Variants in EEFSEC observed in about 807,000 individuals in gnomAD.
EEFSEC encodes selenocysteine-specific elongation factor.
In EEFSEC, 43 loss-of-function variants were observed where a neutral mutation model predicts 42.1. The observed-to-expected ratio is 1.02, with a 90% CI of 0.80 to 1.32. The LOEUF is 1.32. EEFSEC is among the 40% of genes most tolerant of loss of function. EEFSEC has a pLI of 0.00. For missense variants in EEFSEC, 745 were observed against 803.6 expected (o/e 0.93, Z 0.88); for synonymous variants, 354 against 339.1 (o/e 1.04, Z -0.48).
chr3:128,227,573 T>G (rs912772951), intron 1 of EEFSEC, among the ~76,000 whole-genome samples: 2 of 152,196 alleles, frequency 1.3e-5, no homozygotes, highest in African/African-American at 4.8e-5. Context: ...TACAAGGGTC[T>G]AAGACAACTG....
intron 1 of EEFSEC, among the ~76,000 whole-genome samples, chr3:128,242,735 T>G (rs2066085170): frequency 6.6e-6 from 1 of 152,244 alleles, no homozygotes; most frequent in South Asian, 2.1e-4. Context: ...TTAAATGTAC[T>G]GAGAAACTTT....
chr3:128,418,419 C>G, the EEFSEC span, among the ~76,000 whole-genome samples: 1 of 152,034 alleles, frequency 6.6e-6, no homozygotes, highest in Non-Finnish European at 1.5e-5. Flanking sequence ...CTGCCCCCAC[C>G]ACCCCATGCC....
At chr3:128,371,315 AGG>A (rs1481300094) in intron 6 of EEFSEC, among the ~76,000 whole-genome samples, 7 of 152,056 alleles carry the variant, frequency 4.6e-5, no homozygotes, top group Non-Finnish European at 1.0e-4. Flanking sequence ...TTGTCTAGAC[AGG>A]GTTCCCATCG....
intron 6 of EEFSEC, among the ~76,000 whole-genome samples, chr3:128,376,512 A>C (rs2067712219): frequency 6.6e-6 from 1 of 152,094 alleles, no homozygotes; most frequent in Non-Finnish European, 1.5e-5. Context: ...TGAGTCTCCC[A>C]GTGTCTCCAG....
At chr3:128,211,977 AGCCTCCT>A (rs1451032016) in intron 1 of EEFSEC, among the ~76,000 whole-genome samples, 1 of 141,728 alleles carries the variant, frequency 7.1e-6, no homozygotes, top group Non-Finnish European at 1.5e-5. Context: ...CTCCTGCCTC[AGCCTCCT>A]CAGTGGCTGG....
At chr3:128,301,601 C>T (rs1393096200) in intron 4 of EEFSEC, among the ~76,000 whole-genome samples, 1 of 152,168 alleles carries the variant, frequency 6.6e-6, no homozygotes, top group African/African-American at 2.4e-5. Flanking sequence ...CTCAGAGACT[C>T]AGAACTGTTC....
intron 1 of EEFSEC, among the ~76,000 whole-genome samples, chr3:128,169,030 C>T (rs1334184891): frequency 5.3e-5 from 8 of 152,170 alleles, no homozygotes; most frequent in African/African-American, 1.9e-4. Flanking sequence ...GTGGCTTCTG[C>T]TTTCATGTAG....
At chr3:128,286,382 A>G (rs967688345) in intron 4 of EEFSEC, among the ~76,000 whole-genome samples, 3 of 152,232 alleles carry the variant, frequency 2.0e-5, no homozygotes, top group African/African-American at 7.2e-5. Context: ...AGAAAGGAGT[A>G]TCTATGTAAT....
chr3:128,324,500 A>C (rs1482987366), intron 4 of EEFSEC, among the ~76,000 whole-genome samples: 4 of 152,178 alleles, frequency 2.6e-5, no homozygotes, highest in Admixed American at 2.6e-4. Context: ...TACAGATTTC[A>C]GGTGGTTCAA....
chr3:128,379,909 A>G (rs1328122592), intron 6 of EEFSEC, among the ~76,000 whole-genome samples: 1 of 152,254 alleles, frequency 6.6e-6, no homozygotes, highest in Non-Finnish European at 1.5e-5. Flanking sequence ...AGAATGAGTC[A>G]TGTGGCCAGC....
intron 1 of EEFSEC, among the ~76,000 whole-genome samples, chr3:128,230,527 G>A (rs928658922): frequency 7.2e-5 from 11 of 152,140 alleles, no homozygotes; most frequent in African/African-American, 1.2e-4. Context: ...GTGAATGATA[G>A]CATTTGTTAG....
chr3:128,155,731 A>G (rs1217585553), intron 1 of EEFSEC, among the ~76,000 whole-genome samples: 1 of 152,204 alleles, frequency 6.6e-6, no homozygotes, highest in Non-Finnish European at 1.5e-5. Flanking sequence ...TCTGGGTCCC[A>G]GCTATAATGG....
At chr3:128,388,370 C>T (rs1263319111) in intron 6 of EEFSEC, among the ~76,000 whole-genome samples, 1 of 152,224 alleles carries the variant, frequency 6.6e-6, no homozygotes, top group East Asian at 1.9e-4. Context: ...AATTTATCTA[C>T]AGTCCATCTC....
At chr3:128,312,079 A>C (rs745325447) in intron 4 of EEFSEC, among the ~76,000 whole-genome samples, 1 of 152,186 alleles carries the variant, frequency 6.6e-6, no homozygotes, top group Non-Finnish European at 1.5e-5. Flanking sequence ...GCTTCATCCC[A>C]TTTCCACCTC....
chr3:128,223,178 G>A (rs1210709552), intron 1 of EEFSEC, among the ~76,000 whole-genome samples: 1 of 152,192 alleles, frequency 6.6e-6, no homozygotes, highest in Non-Finnish European at 1.5e-5. Flanking sequence ...ACATTGATAT[G>A]CCCAGAGGGT....
intron 4 of EEFSEC, among the ~76,000 whole-genome samples, chr3:128,335,562 C>T (rs1265064932): frequency 6.6e-6 from 1 of 152,232 alleles, no homozygotes; most frequent in Non-Finnish European, 1.5e-5. Flanking sequence ...AAGTCAGAGA[C>T]ATCACGGGGG....
chr3:128,416,939 G>T, the EEFSEC span, among the ~76,000 whole-genome samples: 5 of 152,128 alleles, frequency 3.3e-5, no homozygotes, highest in East Asian at 7.7e-4. Context: ...GCCTGGTGCC[G>T]CGGGTTCCTG....
intron 1 of EEFSEC, among the ~76,000 whole-genome samples, chr3:128,184,016 A>G (rs1225424435): frequency 6.6e-6 from 1 of 152,186 alleles, no homozygotes; most frequent in Non-Finnish European, 1.5e-5. Context: ...CCCTGGACCC[A>G]GTGTTCAGTG....
chr3:128,396,130 G>A (rs928751183), intron 6 of EEFSEC, among the ~76,000 whole-genome samples: 1 of 152,170 alleles, frequency 6.6e-6, no homozygotes, highest in Non-Finnish European at 1.5e-5. Flanking sequence ...CCCTCTAGGG[G>A]GTCCCTCATT....
Sources: gnomAD v4.1 joint callset for allele counts (sites outside exome capture counted in the v4.1 genomes callset) on GRCh38, gnomAD v4.1.1 for gene constraint, MANE v1.5 for transcripts, NCBI Gene and HGNC (gene_info 2026-07-23, HGNC 2026-07-21) for gene names.